Variants in HUNK observed in about 807,000 individuals in gnomAD.
The protein encoded by HUNK is hormonally up-regulated Neu-associated kinase.
HUNK carries 21 observed loss-of-function variants against 61.0 expected under a neutral mutation model. The observed-to-expected ratio is 0.34, with a 90% confidence interval of 0.24 to 0.50. The LOEUF is 0.50. HUNK is among the 20% of genes least tolerant of loss of function. The pLI is 0.98. For missense variants in HUNK, 772 were observed against 945.7 expected (o/e 0.82, Z 2.41); for synonymous variants, 371 against 386.1 (o/e 0.96, Z 0.46).
Position 31,970,691 on chromosome 21 carries a change from A to G in HUNK, c.1010+2306A>G, listed in dbSNP as rs190044447. ...ATGCGGCAACTGTTGAAGGAAGTGGAGTTGGTGTTAGACAGTATTTCCCCT... is the reference window on the plus strand; with the variant it reads ...ATGCGGCAACTGTTGAAGGAAGTGGGGTTGGTGTTAGACAGTATTTCCCCT... On this transcript the variant is annotated intron_variant, in intron 6 of 10. Transcript: ENST00000270112. Among the ~76,000 whole-genome samples the G allele has an allele frequency of 7.5e-3, 1,148 of 152,302 alleles. 10 individuals carry two copies. Among genetic ancestry groups the G allele is most frequent in the Non-Finnish European group, 9.4e-3 (638 of 68,018 alleles).
intron 1 of HUNK, among the ~76,000 whole-genome samples, chr21:31,876,274 C>T (rs570043665): frequency 2.6e-5 from 4 of 152,082 alleles, no homozygotes; most frequent in Non-Finnish European, 4.4e-5. Flanking sequence ...TTGGTTTTCC[C>T]GGGATGCTCC....
At chr21:31,901,706 G>T (rs1394942226) in intron 1 of HUNK, among the ~76,000 whole-genome samples, 1 of 152,304 alleles carries the variant, frequency 6.6e-6, no homozygotes, top group East Asian at 1.9e-4. Context: ...GGCTACTTCT[G>T]TATGCCAGGA....
intron 10 of HUNK, among the ~76,000 whole-genome samples, chr21:31,996,775 C>T (rs910638641): frequency 2.6e-5 from 4 of 152,164 alleles, no homozygotes; most frequent in Non-Finnish European, 5.9e-5. Flanking sequence ...TCAGGTGTAG[C>T]GGGCAGTTAG....
At chr21:31,890,159 C>CT (rs553768682) in intron 1 of HUNK, among the ~76,000 whole-genome samples, 1 of 151,924 alleles carries the variant, frequency 6.6e-6, no homozygotes, top group South Asian at 2.1e-4. Flanking sequence ...CTTATACATA[C>CT]TTTTTTATTG....
rs146155782 is a variant in HUNK, at chr21:31,951,324, G to A, written c.746+5153G>A. On this transcript the variant is annotated intron_variant, in intron 4 of 10. Transcript: ENST00000270112. Reference sequence around the variant, plus strand: ...ATTACTGTGAATTGACTTTTCCTCAGAGTGACATATATGCTAATTTATAAC... The same window carrying A: ...ATTACTGTGAATTGACTTTTCCTCAAAGTGACATATATGCTAATTTATAAC... Among the ~76,000 whole-genome samples, 145 of 152,130 alleles carry A rather than the reference G, an allele frequency of 9.5e-4. 2 individuals are homozygous for A. The East Asian group carries it at 0.022, about 24-fold the overall frequency.
chr21:31,939,725 T>C (rs1197239850), intron 2 of HUNK, among the ~76,000 whole-genome samples: 1 of 151,272 alleles, frequency 6.6e-6, no homozygotes, highest in East Asian at 1.9e-4. Context: ...TTGTTTTTTT[T>C]TTTTTTTTTT....
intron 1 of HUNK, among the ~76,000 whole-genome samples, chr21:31,919,339 A>G (rs2052607974): frequency 6.6e-6 from 1 of 152,182 alleles, no homozygotes; most frequent in Admixed American, 6.5e-5. Flanking sequence ...TGGGCTAGAG[A>G]AAGAGCAAGA....
intron 1 of HUNK, among the ~76,000 whole-genome samples, chr21:31,922,705 T>C (rs2052630981): frequency 6.6e-6 from 1 of 152,202 alleles, no homozygotes; most frequent in African/African-American, 2.4e-5. Context: ...AGACTTCTGT[T>C]TTTTTCTTTA....
intron 5 of HUNK, among the ~76,000 whole-genome samples, chr21:31,961,040 T>C (rs1287439042): frequency 6.6e-6 from 1 of 152,224 alleles, no homozygotes; most frequent in Non-Finnish European, 1.5e-5. Context: ...ACAGTCAAGA[T>C]GCAAGACAGT....
At chr21:31,946,262 G>A (rs749265645) in intron 4 of HUNK, 91 bp downstream of exon 4, 37 of 1,322,588 alleles carry the variant, frequency 2.8e-5, no homozygotes, top group Non-Finnish European at 3.8e-5. Context: ...TGGATGGCAT[G>A]TATAGGTGAC....
intron 1 of HUNK, among the ~76,000 whole-genome samples, chr21:31,901,124 A>G (rs1422837599): frequency 6.6e-6 from 1 of 152,170 alleles, no homozygotes; most frequent in Non-Finnish European, 1.5e-5. Flanking sequence ...ATGTCGTCTT[A>G]ATTAATTACA....
At chr21:31,996,095 C>A in intron 10 of HUNK, 147 bp downstream of exon 10, 1 of 617,064 alleles carries the variant, frequency 1.6e-6, no homozygotes, top group Non-Finnish European at 2.7e-6. Flanking sequence ...CCTGAGGTTG[C>A]CTGAGCACAG....
chr21:31,939,228 C>T (rs913354630), intron 2 of HUNK, among the ~76,000 whole-genome samples: 4 of 152,100 alleles, frequency 2.6e-5, no homozygotes, highest in East Asian at 1.9e-4. Flanking sequence ...AACATGTTCT[C>T]GGGTGTGACA....
intron 5 of HUNK, 73 bp downstream of exon 5, chr21:31,959,043 G>C: frequency 7.2e-7 from 1 of 1,382,568 alleles, no homozygotes; most frequent in Non-Finnish European, 9.6e-7. Flanking sequence ...CTGTGAAACA[G>C]TATTTGTTTT....
chr21:31,992,138 G>T (rs2053176022), intron 9 of HUNK, among the ~76,000 whole-genome samples: 1 of 152,232 alleles, frequency 6.6e-6, no homozygotes, highest in Non-Finnish European at 1.5e-5. Flanking sequence ...GCCATGCCGG[G>T]AAAGAAGGGG....
intron 7 of HUNK, among the ~76,000 whole-genome samples, chr21:31,980,032 G>A (rs2053084309): frequency 6.6e-6 from 1 of 152,124 alleles, no homozygotes; most frequent in South Asian, 2.1e-4. Flanking sequence ...TCTGTAGGTT[G>A]TCTTCTAGTA....
chr21:31,981,549 A>G (rs1160364508), intron 7 of HUNK, among the ~76,000 whole-genome samples: 3 of 152,102 alleles, frequency 2.0e-5, no homozygotes, highest in Admixed American at 6.5e-5. Flanking sequence ...AGTGTCTTAT[A>G]GTTTTCAGTG....
At chr21:31,876,112 T>G (rs996608768) in intron 1 of HUNK, among the ~76,000 whole-genome samples, 1 of 152,236 alleles carries the variant, frequency 6.6e-6, no homozygotes, top group Non-Finnish European at 1.5e-5. Flanking sequence ...CTTATGTTTC[T>G]TAAATGATGA....
At chr21:31,880,334 T>G (rs1348902027) in intron 1 of HUNK, among the ~76,000 whole-genome samples, 1 of 152,240 alleles carries the variant, frequency 6.6e-6, no homozygotes, top group Admixed American at 6.5e-5. Flanking sequence ...TACCACACAC[T>G]GTGTGGCTTC....
Sources: allele counts gnomAD v4.1 joint callset (sites outside exome capture counted in the v4.1 genomes callset), GRCh38; gene constraint gnomAD v4.1.1; transcripts MANE v1.5; gene names NCBI Gene and HGNC (gene_info 2026-07-23, HGNC 2026-07-21).